Variants in GABRB3 observed in about 807,000 individuals in gnomAD.
GABRB3 encodes gamma-aminobutyric acid type A receptor subunit beta3, also known as gamma-aminobutyric acid receptor subunit beta-3.
GABRB3 carries 14 observed loss-of-function variants against 52.1 expected under a neutral mutation model. The observed-to-expected ratio is 0.27, with a 90% CI of 0.18 to 0.42. GABRB3 has a LOEUF of 0.42. GABRB3 is among the 10% of genes least tolerant of loss of function. GABRB3 has a pLI of 1.00. For synonymous variants in GABRB3, 260 were observed against 232.3 expected, an observed-to-expected ratio of 1.12 and a Z score of -1.08; for missense variants, 307 against 609.1, an observed-to-expected ratio of 0.50 and a Z score of 5.22.
chr15:26,561,319 A>G, intron 7 of GABRB3, 143 bp from the exon 8 acceptor site: 1 of 1,153,642 alleles, frequency 8.7e-7, no homozygotes, highest in Non-Finnish European at 1.3e-6. Context: ...AATGCAACAG[A>G]GCATACATCT....
intron 3 of GABRB3, among the ~76,000 whole-genome samples, chr15:26,766,871 T>G (rs570235286): frequency 6.6e-6 from 1 of 152,288 alleles, no homozygotes; most frequent in South Asian, 2.1e-4. Context: ...AACAGGACCA[T>G]GCATGTAAGA....
At chr15:26,657,819 T>C (rs1887420480) in intron 3 of GABRB3, among the ~76,000 whole-genome samples, 1 of 152,216 alleles carries the variant, frequency 6.6e-6, no homozygotes, top group Non-Finnish European at 1.5e-5. Flanking sequence ...CCTTGGTTCA[T>C]TCTTGGGCCC....
intron 3 of GABRB3, among the ~76,000 whole-genome samples, chr15:26,738,822 G>T (rs1890131275): frequency 6.6e-6 from 1 of 152,052 alleles, no homozygotes; most frequent in Non-Finnish European, 1.5e-5. Context: ...TCAGCCTGAG[G>T]GTTAGATGCA....
chr15:26,574,979 T>G lies in GABRB3; in HGVS notation c.682+5340A>C, dbSNP rs545060425. Among the ~76,000 whole-genome samples, 6 of 152,340 alleles carry G rather than the reference T, an allele frequency of 3.9e-5. No homozygotes were observed. The East Asian group carries it at 1.2e-3, about 29-fold the overall frequency. ...TCAAATTCACATCAACTATAAGACA[T>G]GCTATCTGACCCAAAGTACACTCTC... is the stretch of plus-strand genomic sequence containing the variant. On this transcript the variant is annotated intron_variant, in intron 6 of 8. Coordinates refer to ENST00000311550, the MANE Select transcript of GABRB3 (RefSeq NM_000814.6).
intron 3 of GABRB3, among the ~76,000 whole-genome samples, chr15:26,711,608 T>G (rs898588279): frequency 6.6e-6 from 1 of 152,162 alleles, no homozygotes; most frequent in Non-Finnish European, 1.5e-5. Context: ...CCCATTCTTC[T>G]GAGCCTTAGC....
chr15:26,630,293 C>T (rs574291652), intron 3 of GABRB3, among the ~76,000 whole-genome samples: 1 of 152,210 alleles, frequency 6.6e-6, no homozygotes, highest in East Asian at 1.9e-4. Flanking sequence ...CTGGTTATAC[C>T]GTGACAGGTT....
chr15:26,577,662 C>A (rs1184495267), intron 6 of GABRB3, among the ~76,000 whole-genome samples: 3 of 152,082 alleles, frequency 2.0e-5, no homozygotes, highest in Admixed American at 1.3e-4. Flanking sequence ...ACAGTCGTGC[C>A]CCTCGTAACG....
At chr15:26,629,534 C>A (rs915789259) in intron 3 of GABRB3, among the ~76,000 whole-genome samples, 1 of 152,110 alleles carries the variant, frequency 6.6e-6, no homozygotes, top group Admixed American at 6.5e-5. Flanking sequence ...GTGGAGAGGT[C>A]AGAGCTTGCA....
In GABRB3 at chr15:26,544,990, C is replaced by T. The variant is rs1405672278; in HGVS notation, c.*2803G>A. On this transcript the variant is annotated 3_prime_UTR_variant, in exon 9 of 9. Transcript: ENST00000311550. ...GTGGAGTAACGAGAGGTCATTTTAA[C>T]ACAACAGAGACTCCAATTCAACTCT... 6.6e-6 allele frequency: 1 copy of T among 152,578 alleles called. No homozygotes were observed. The highest frequency in any genetic ancestry group is 1.5e-5 in the Non-Finnish European group (1 of 68,038). The allele number at this position is 152,578 out of a possible 1,614,324, so 9.5% of individuals were successfully genotyped here. A position where few individuals can be genotyped will look rare whatever the true frequency, so the allele number is the denominator to read the frequency against.
rs985167943 is a variant in GABRB3 at position 26,698,503 on chromosome 15, G to A, written c.240+73899C>T. Among the ~76,000 whole-genome samples, 79 of 151,998 alleles carry A rather than the reference G, an allele frequency of 5.2e-4. 1 individual carries two copies. The highest frequency in any genetic ancestry group is 1.7e-3 in the African/African-American group (71 of 41,464). ...AAACATAAACAACATTGTGACAAGG[G>A]ACCTGCAACAAGAAAAAAGGAAGAG... On this transcript the variant is annotated intron_variant, in intron 3 of 8. Coordinates refer to ENST00000311550, the MANE Select transcript of GABRB3 (RefSeq NM_000814.6).
chr15:26,573,299 T>C, intron 6 of GABRB3, among the ~76,000 whole-genome samples: 1 of 152,166 alleles, frequency 6.6e-6, no homozygotes, highest in Non-Finnish European at 1.5e-5. Context: ...AAATAGTGTT[T>C]CTAATTTTTA....
At chr15:26,589,591 A>C (rs1244989080) in intron 4 of GABRB3, among the ~76,000 whole-genome samples, 1 of 151,930 alleles carries the variant, frequency 6.6e-6, no homozygotes, top group East Asian at 1.9e-4. Context: ...TCTGGAACTA[A>C]ACAATCTTGG....
chr15:26,744,370 TAAAG>T (rs959125367), intron 3 of GABRB3, among the ~76,000 whole-genome samples: 1 of 152,152 alleles, frequency 6.6e-6, no homozygotes, highest in African/African-American at 2.4e-5. Context: ...CTTATTGAAA[TAAAG>T]AGTTAATAAC....
At chr15:26,698,421 T>C (rs541717916) in intron 3 of GABRB3, among the ~76,000 whole-genome samples, 4 of 152,320 alleles carry the variant, frequency 2.6e-5, no homozygotes, top group Admixed American at 6.5e-5. Context: ...ATGGATCATC[T>C]TGTGACCACA....
At chr15:26,612,403 G>A (rs762481874) in intron 4 of GABRB3, 1 of 152,100 alleles carries the variant, frequency 6.6e-6, no homozygotes, top group Non-Finnish European at 1.5e-5. Context: ...TTTGATAGAT[G>A]CATACTTAAA....
At chr15:26,566,346 G>C (rs1890171018) in intron 7 of GABRB3, among the ~76,000 whole-genome samples, 1 of 152,108 alleles carries the variant, frequency 6.6e-6, no homozygotes, top group Non-Finnish European at 1.5e-5. Flanking sequence ...CAAGTCACAT[G>C]TTTGTCATCC....
At chr15:26,746,995 TAAAC>T (rs200868578) in intron 3 of GABRB3, among the ~76,000 whole-genome samples, 5,117 of 142,498 alleles carry the variant, frequency 0.036, 123 homozygotes, top group Middle Eastern at 0.11. Context: ...TCAAAATAAA[TAAAC>T]AAACAAACAA....
chr15:26,595,133 C>T (rs902378745), intron 4 of GABRB3, among the ~76,000 whole-genome samples: 1 of 152,188 alleles, frequency 6.6e-6, no homozygotes, highest in African/African-American at 2.4e-5. Flanking sequence ...GTATTTTATG[C>T]TTCCATCCAA....
intron 3 of GABRB3, among the ~76,000 whole-genome samples, chr15:26,717,449 C>CT (rs1417306320): frequency 6.6e-6 from 1 of 152,220 alleles, no homozygotes; most frequent in Non-Finnish European, 1.5e-5. Context: ...ATGTGTAAAG[C>CT]TAAGACCACA....
Sources: allele counts gnomAD v4.1 joint callset (sites outside exome capture counted in the v4.1 genomes callset), GRCh38; gene constraint gnomAD v4.1.1; transcripts MANE v1.5; gene names NCBI Gene and HGNC (gene_info 2026-07-23, HGNC 2026-07-21).